APBB1IP: variants seen among roughly 807,000 people sequenced by gnomAD.
APBB1IP encodes amyloid beta A4 precursor protein-binding family B member 1-interacting protein.
A neutral mutation model predicts 64.9 loss-of-function variants in APBB1IP; 27 were observed. The observed-to-expected ratio is 0.42, with a 90% CI of 0.31 to 0.57. APBB1IP has a LOEUF of 0.57. Among genes scored for constraint, APBB1IP ranks in the 20% least tolerant of loss-of-function variants. The pLI is 0.20. For missense variants in APBB1IP, 812 were observed against 845.5 expected (o/e 0.96, Z 0.49); for synonymous variants, 392 against 331.0 (o/e 1.18, Z -2.00).
At chr10:26,565,319 A>C (rs1837027952) in intron 14 of APBB1IP, among the ~76,000 whole-genome samples, 2 of 152,196 alleles carry the variant, frequency 1.3e-5, no homozygotes, top group African/African-American at 4.8e-5. Context: ...AACTCAGACC[A>C]AGAAAAAATG....
chr10:26,561,064 CTTTTT>C (rs764573338), intron 13 of APBB1IP, among the ~76,000 whole-genome samples: 3 of 69,218 alleles, frequency 4.3e-5, no homozygotes, highest in South Asian at 6.0e-4. Flanking sequence ...TTCTTTCTTT[CTTTTT>C]TTTTTTTTTT....
Position 26,518,867 on chromosome 10 carries a change from G to A in APBB1IP, c.813+5207G>A, listed in dbSNP as rs189100078. Among the ~76,000 whole-genome samples the A allele has an allele frequency of 5.3e-5, 8 of 152,162 alleles. No homozygotes were observed. In the East Asian group the frequency reaches 5.8e-4, roughly 11 times the overall value. On this transcript the variant is annotated intron_variant, in intron 8 of 14. Transcript: ENST00000376236. ...TCTGTCTTAGATCTTGACCTCTTGC[G>A]TCCTAATTGCTTCAATAGCTCTCTA...
intron 2 of APBB1IP, among the ~76,000 whole-genome samples, chr10:26,480,722 C>T (rs192715723): frequency 6.7e-6 from 1 of 149,826 alleles, no homozygotes; most frequent in African/African-American, 2.5e-5. Flanking sequence ...CTACCTCGAC[C>T]TCCCAAAGTG....
chr10:26,566,857 A>C (rs530672472), intron 14 of APBB1IP, 104 bp from the exon 15 acceptor site: 109 of 1,325,328 alleles, frequency 8.2e-5, no homozygotes, highest in Admixed American at 2.0e-4. Flanking sequence ...CACTGCACTC[A>C]GCCTGGGCGA....
chr10:26,447,348 C>T (rs983724891), intron 2 of APBB1IP, among the ~76,000 whole-genome samples: 3 of 126,606 alleles, frequency 2.4e-5, no homozygotes, highest in African/African-American at 9.3e-5. Context: ...GCACTCCAGC[C>T]TGGGTGACAG....
In APBB1IP at chr10:26,567,003, C is replaced by A. The variant is rs1837054159; in HGVS notation, c.1516C>A (p.Pro506Thr). The A allele has an allele frequency of 2.5e-6, 4 of 1,577,508 alleles. No individual in the cohort carries two copies. The African/African-American group carries it at 5.5e-5, about 22-fold the overall frequency. Reference protein sequence around the residue: ...ALGNHHDPAVPRAPHAPKSSL... With the variant: ...ALGNHHDPAVTRAPHAPKSSL... ...CGGGAACCACCACGACCCGGCAGTGCCCCGGGCCCCGCACGCCCCCAAGTC... is the reference window on the plus strand; with the variant it reads ...CGGGAACCACCACGACCCGGCAGTGACCCGGGCCCCGCACGCCCCCAAGTC... Residue 506 changes from proline to threonine, a missense_variant, in exon 15 of 15, where the codon CCC becomes ACC. Coordinates refer to ENST00000376236, the MANE Select transcript of APBB1IP (RefSeq NM_019043.4).
chr10:26,487,615 C>T (rs55901799), intron 2 of APBB1IP, among the ~76,000 whole-genome samples: 2,366 of 152,152 alleles, frequency 0.016, 62 homozygotes, highest in African/African-American at 0.053. Context: ...AGATTTTCAC[C>T]AGATGAATGC....
At chr10:26,523,852 G>T (rs1836436075) in intron 8 of APBB1IP, among the ~76,000 whole-genome samples, 1 of 151,992 alleles carries the variant, frequency 6.6e-6, no homozygotes, top group Non-Finnish European at 1.5e-5. Context: ...AAAGACCCTG[G>T]CCTTGAATGG....
At chr10:26,562,119 C>T (rs974872058) in intron 13 of APBB1IP, 1 of 464,724 alleles carries the variant, frequency 2.2e-6, no homozygotes, top group Non-Finnish European at 4.0e-6. Flanking sequence ...CACAGAACCT[C>T]AGATTTTTCT....
Position 26,496,745 on chromosome 10 carries a change from T to A in APBB1IP, c.160+354T>A, listed in dbSNP as rs555142253. On this transcript the variant is annotated intron_variant, in intron 4 of 14. Transcript: ENST00000376236. ...TGTCCCTTCAGTGATAGAAATCAAC[T>A]ATTTCATAATGATTAATAAATATGA... is the stretch of plus-strand genomic sequence containing the variant. Among the ~76,000 whole-genome samples, 10 of 151,844 alleles carry A rather than the reference T, an allele frequency of 6.6e-5. No homozygotes were observed. In the East Asian group the frequency reaches 1.7e-3, roughly 26 times the overall value.
Position 26,496,290 on chromosome 10 carries a change from A to G in APBB1IP, c.73-14A>G, listed in dbSNP as rs1303217434. ...TATCATGAATAACTTTGATGGGGGG[A>G]TCTTTTTTCACAGAGTTTAGGAGTT... On this transcript the variant is annotated splice_polypyrimidine_tract_variant and intron_variant, in intron 3 of 14. Coordinates refer to ENST00000376236, the MANE Select transcript of APBB1IP (RefSeq NM_019043.4). 5 of 1,593,336 alleles carry G rather than the reference A, an allele frequency of 3.1e-6. No individual in the cohort carries two copies. The highest frequency in any genetic ancestry group is 2.6e-6 in the Non-Finnish European group (3 of 1,163,820).
At chr10:26,446,964 A>G (rs1835406727) in intron 2 of APBB1IP, among the ~76,000 whole-genome samples, 1 of 152,184 alleles carries the variant, frequency 6.6e-6, no homozygotes, top group Admixed American at 6.5e-5. Flanking sequence ...AAAAAAATAC[A>G]TTACAGTGCA....
At position 26,511,714 on chromosome 10, in the gene APBB1IP, A is replaced by G. The variant is rs535314584; in HGVS notation, c.532-33A>G. On this transcript the variant is annotated intron_variant, in intron 6 of 14. Coordinates refer to ENST00000376236, the MANE Select transcript of APBB1IP (RefSeq NM_019043.4). ...CTTAGTAGCCTTCTCCAGTTGCTGA[A>G]ATTTACTGGCTGCCCCATGGTTCTA... is the stretch of plus-strand genomic sequence containing the variant. 1.9e-6 allele frequency: 3 copies of G among 1,606,710 alleles called. No individual in the cohort carries two copies. The East Asian group carries it at 6.7e-5, about 36-fold the overall frequency.
chr10:26,492,439 T>A (rs780695987), intron 3 of APBB1IP, 41 bp downstream of exon 3: 12 of 1,572,294 alleles, frequency 7.6e-6, no homozygotes, highest in Non-Finnish European at 1.0e-5. Context: ...AAAACAAAAA[T>A]AGAGTTGCAG....
chr10:26,455,305 G>A (rs1427947797), intron 2 of APBB1IP, among the ~76,000 whole-genome samples: 3 of 152,056 alleles, frequency 2.0e-5, no homozygotes, highest in Non-Finnish European at 2.9e-5. Flanking sequence ...CGAGGCGGGC[G>A]GATCACAAGG....
chr10:26,544,711 G>A (rs1414248574), intron 11 of APBB1IP, among the ~76,000 whole-genome samples: 1 of 152,090 alleles, frequency 6.6e-6, no homozygotes, highest in Non-Finnish European at 1.5e-5. Context: ...AACAGGGGAG[G>A]GACTCAGTTT....
chr10:26,440,886 A>C (rs1437411129), intron 2 of APBB1IP, among the ~76,000 whole-genome samples: 1 of 152,126 alleles, frequency 6.6e-6, no homozygotes, highest in East Asian at 1.9e-4. Flanking sequence ...TTACTTCCAA[A>C]GAGCATTATT....
chr10:26,504,898 G>T (rs1335905923), intron 6 of APBB1IP, among the ~76,000 whole-genome samples: 1 of 152,008 alleles, frequency 6.6e-6, no homozygotes, highest in African/African-American at 2.4e-5. Flanking sequence ...GGAACCACAG[G>T]CATGTACCAC....
chr10:26,535,514 A>G (rs1333730181), intron 9 of APBB1IP, among the ~76,000 whole-genome samples: 2 of 152,166 alleles, frequency 1.3e-5, no homozygotes, highest in African/African-American at 2.4e-5. Context: ...ATTATTGACT[A>G]TAGTCACCCT....
Sources: gnomAD v4.1 joint callset for allele counts (sites outside exome capture counted in the v4.1 genomes callset) on GRCh38, gnomAD v4.1.1 for gene constraint, MANE v1.5 for transcripts, NCBI Gene and HGNC (gene_info 2026-07-23, HGNC 2026-07-21) for gene names.